Variants in ACTR3B observed in about 807,000 individuals in gnomAD.
The protein encoded by ACTR3B is actin related protein 3B.
A neutral mutation model predicts 59.0 loss-of-function variants in ACTR3B; 8 were observed. The ratio of observed to expected loss-of-function variants is 0.14; its 90% confidence interval spans 0.08 to 0.24. The LOEUF is 0.24. Ranked by LOEUF, ACTR3B falls within the 10% of genes least tolerant of loss-of-function variation. The pLI, the probability that ACTR3B is intolerant of heterozygous loss-of-function variation, is 1.00. For missense variants in ACTR3B, 245 were observed against 552.3 expected (o/e 0.44, Z 5.58); for synonymous variants, 148 against 197.9 (o/e 0.75, Z 2.12).
chr7:152,770,633 T>C (rs149303365), intron 1 of ACTR3B, among the ~76,000 whole-genome samples: 1 of 152,182 alleles, frequency 6.6e-6, no homozygotes, highest in African/African-American at 2.4e-5. Flanking sequence ...GAATTAGATA[T>C]ACGCCCAGAA....
chr7:152,809,564 C>T lies in ACTR3B; in HGVS notation c.337-4986C>T, dbSNP rs10242650. Among the ~76,000 whole-genome samples the T allele has an allele frequency of 1.1e-4, 17 of 150,226 alleles. No homozygotes were observed. In the East Asian group the frequency reaches 1.4e-3, roughly 12 times the overall value. ...TTTTTTTTTTTGTTTTTTTTTGAGA[C>T]GGAGTCTTGCTCTGTAGCCCAGGCT... On this transcript the variant is annotated intron_variant, in intron 4 of 11. Coordinates refer to ENST00000256001, the MANE Select transcript of ACTR3B (RefSeq NM_020445.6).
At chr7:152,817,158 G>A (rs1461357673) in intron 6 of ACTR3B, among the ~76,000 whole-genome samples, 1 of 152,108 alleles carries the variant, frequency 6.6e-6, no homozygotes, top group Non-Finnish European at 1.5e-5. Context: ...GCCAAGGCGG[G>A]CGGATCACCT....
intron 2 of ACTR3B, among the ~76,000 whole-genome samples, chr7:152,783,736 G>A (rs2098162366): frequency 6.6e-6 from 1 of 151,982 alleles, no homozygotes; most frequent in Non-Finnish European, 1.5e-5. Context: ...TTGGCATGGG[G>A]CGTTCTACTC....
intron 9 of ACTR3B, among the ~76,000 whole-genome samples, chr7:152,830,976 C>T (rs1464851236): frequency 6.6e-6 from 1 of 152,044 alleles, no homozygotes; most frequent in Non-Finnish European, 1.5e-5. Context: ...AGATGAAGTC[C>T]TGGTTGAAGT....
intron 9 of ACTR3B, among the ~76,000 whole-genome samples, chr7:152,848,640 C>T (rs1798554627): frequency 6.6e-6 from 1 of 152,244 alleles, no homozygotes; most frequent in South Asian, 2.1e-4. Context: ...CATGAGAGAG[C>T]AGGACCAGGG....
intron 2 of ACTR3B, among the ~76,000 whole-genome samples, chr7:152,795,924 A>C (rs1173304337): frequency 2.0e-5 from 3 of 151,580 alleles, no homozygotes. Context: ...GCTCACTGCA[A>C]CCTCTGCCTC....
At chr7:152,805,285 TGAGG>T (rs958324648) in intron 4 of ACTR3B, among the ~76,000 whole-genome samples, 2 of 151,344 alleles carry the variant, frequency 1.3e-5, no homozygotes, top group East Asian at 2.0e-4. Flanking sequence ...GAAACTCACT[TGAGG>T]GAGGGAGGGA....
intron 2 of ACTR3B, among the ~76,000 whole-genome samples, chr7:152,784,774 G>A (rs55666518): frequency 0.14 from 21,381 of 151,838 alleles, 2,240 homozygotes; most frequent in African/African-American, 0.3. Context: ...GTCAGTGTGT[G>A]GGGTTGCTGG....
intron 2 of ACTR3B, among the ~76,000 whole-genome samples, chr7:152,788,171 G>T: frequency 2.0e-5 from 1 of 50,330 alleles, no homozygotes; most frequent in East Asian, 8.7e-4. Context: ...TGGCCAGGCT[G>T]GTCTGGGAAC....
intron 1 of ACTR3B, among the ~76,000 whole-genome samples, chr7:152,764,099 G>C (rs1039385651): frequency 6.6e-6 from 1 of 151,422 alleles, no homozygotes. Context: ...TCTGCCTCCC[G>C]GGTTCAAGCG....
intron 9 of ACTR3B, among the ~76,000 whole-genome samples, chr7:152,846,079 T>C (rs988118441): frequency 1.1e-4 from 16 of 152,236 alleles, no homozygotes; most frequent in Admixed American, 9.8e-4. Context: ...GTTGGGGAGG[T>C]TGAGACATCT....
In ACTR3B at chr7:152,822,319, G is replaced by A. The variant is rs1333510900; in HGVS notation, c.685-1023G>A. 2.0e-5 allele frequency among the ~76,000 whole-genome samples: 3 copies of A among 152,334 alleles called. No individual in the cohort carries two copies. The East Asian group carries it at 5.8e-4, about 29-fold the overall frequency. ...CGGTGTGCTCAGCGCCAGCTGGGCG[G>A]CCCACCTCGTGCTTCCCGTAGGCAG... On this transcript the variant is annotated intron_variant, in intron 7 of 11. Transcript: ENST00000256001.
chr7:152,797,866 C>CTTT (rs201750783), intron 2 of ACTR3B, among the ~76,000 whole-genome samples: 1 of 149,642 alleles, frequency 6.7e-6, no homozygotes, highest in African/African-American at 2.4e-5. Flanking sequence ...GCAGAATTTC[C>CTTT]TTTTTTTTTT....
chr7:152,780,210 G>A (rs2098147505), intron 1 of ACTR3B, among the ~76,000 whole-genome samples: 1 of 151,872 alleles, frequency 6.6e-6, no homozygotes, highest in Admixed American at 6.6e-5. Flanking sequence ...AATTAGCCGG[G>A]TGTGGTGGCA....
chr7:152,836,132 A>C (rs1797437631), intron 9 of ACTR3B, among the ~76,000 whole-genome samples: 1 of 150,556 alleles, frequency 6.6e-6, no homozygotes, highest in Admixed American at 6.6e-5. Context: ...GCGGGGGTAC[A>C]GGTTGGGGTG....
intron 9 of ACTR3B, among the ~76,000 whole-genome samples, chr7:152,832,105 T>A (rs1797079379): frequency 1.3e-5 from 2 of 152,040 alleles, no homozygotes; most frequent in South Asian, 4.2e-4. Context: ...TGGCTGTAGG[T>A]GGCTCATGGA....
At chr7:152,795,945 G>C (rs1449374407) in intron 2 of ACTR3B, among the ~76,000 whole-genome samples, 2 of 151,684 alleles carry the variant, frequency 1.3e-5, no homozygotes, top group Non-Finnish European at 2.9e-5. Flanking sequence ...CCAAGTTCAA[G>C]TGATTCTCCT....
chr7:152,853,172 T>G (rs1440700455), intron 10 of ACTR3B, among the ~76,000 whole-genome samples: 1 of 151,724 alleles, frequency 6.6e-6, no homozygotes, highest in Non-Finnish European at 1.5e-5. Flanking sequence ...ACATCTGATA[T>G]GTTAGGTTAA....
chr7:152,810,325 T>C (rs1795108158), intron 4 of ACTR3B, among the ~76,000 whole-genome samples: 1 of 151,916 alleles, frequency 6.6e-6, no homozygotes, highest in African/African-American at 2.4e-5. Context: ...CAGGCTGGTC[T>C]TGAACTCCTG....
Sources: allele counts gnomAD v4.1 joint callset (sites outside exome capture counted in the v4.1 genomes callset), GRCh38; gene constraint gnomAD v4.1.1; transcripts MANE v1.5; gene names NCBI Gene and HGNC (gene_info 2026-07-23, HGNC 2026-07-21).